The following NALF1 variants were observed in gnomAD, a reference collection of about 807,000 sequenced individuals.
NALF1 encodes NALCN channel auxiliary factor 1.
Under a neutral mutation model 48.4 loss-of-function variants are expected in NALF1, and 3 were observed. The observed-to-expected ratio is 0.06, with a 90% CI of 0.03 to 0.16. The LOEUF (loss-of-function observed/expected upper bound fraction) is 0.16. Ranked by LOEUF, NALF1 falls within the 10% of genes least tolerant of loss-of-function variation. The pLI, the probability that NALF1 is intolerant of heterozygous loss-of-function variation, is 1.00. For synonymous variants in NALF1, 262 were observed against 245.7 expected, an observed-to-expected ratio of 1.07 and a Z score of -0.62; for missense variants, 526 against 571.5, an observed-to-expected ratio of 0.92 and a Z score of 0.81.
chr13:107,271,376 G>A (rs965137156), intron 1 of NALF1, among the ~76,000 whole-genome samples: 3 of 152,134 alleles, frequency 2.0e-5, no homozygotes, highest in Admixed American at 2.0e-4. Context: ...AGATGGAGGA[G>A]TCACAAGACA....
At chr13:107,579,388 G>A (rs943185778) in intron 1 of NALF1, among the ~76,000 whole-genome samples, 2 of 152,186 alleles carry the variant, frequency 1.3e-5, no homozygotes, top group African/African-American at 4.8e-5. Flanking sequence ...ACTGCACTTG[G>A]CCATAATATT....
rs1456738729 is a variant in NALF1, at chr13:107,541,139, A to G, written c.915+324543T>C. ...TCCAAAGCTTTTAATAACCTTACAA[A>G]TGTACTGCAATTAATTATTCAACTG... On this transcript the variant is annotated intron_variant, in intron 1 of 2. Coordinates refer to ENST00000375915, the MANE Select transcript of NALF1 (RefSeq NM_001080396.3). 3.3e-5 allele frequency among the ~76,000 whole-genome samples: 5 copies of G among 152,214 alleles called. No homozygotes were observed. In the South Asian group the frequency reaches 8.3e-4, roughly 25 times the overall value.
chr13:107,500,506 G>A (rs548349433), intron 1 of NALF1, among the ~76,000 whole-genome samples: 1 of 150,968 alleles, frequency 6.6e-6, no homozygotes, highest in South Asian at 2.1e-4. Flanking sequence ...ACTGTTGGTG[G>A]GACTGTAAAC....
chr13:107,281,737 A>G (rs1881391605), intron 1 of NALF1, among the ~76,000 whole-genome samples: 1 of 152,182 alleles, frequency 6.6e-6, no homozygotes, highest in African/African-American at 2.4e-5. Context: ...ACAGTTCAGC[A>G]TGGCTGTGGA....
intron 1 of NALF1, among the ~76,000 whole-genome samples, chr13:107,683,535 TCTTC>T (rs1486419824): frequency 6.6e-6 from 1 of 152,156 alleles, no homozygotes; most frequent in Non-Finnish European, 1.5e-5. Context: ...GAGCATTAGG[TCTTC>T]CTGTTTTCCA....
intron 1 of NALF1, among the ~76,000 whole-genome samples, chr13:107,711,437 A>G (rs1242170301): frequency 2.0e-5 from 3 of 152,174 alleles, no homozygotes; most frequent in Non-Finnish European, 4.4e-5. Flanking sequence ...CCAGGTTCAA[A>G]CAATTCTCCC....
At chr13:107,250,718 G>A (rs116536942) in intron 1 of NALF1, among the ~76,000 whole-genome samples, 1,779 of 147,048 alleles carry the variant, frequency 0.012, 33 homozygotes, top group African/African-American at 0.041. Flanking sequence ...ATATGGTTTG[G>A]ATTTGTGTCT....
chr13:107,233,640 C>A (rs1013152810), intron 1 of NALF1, among the ~76,000 whole-genome samples: 2 of 152,146 alleles, frequency 1.3e-5, no homozygotes, highest in African/African-American at 4.8e-5. Flanking sequence ...AAGTGATTTG[C>A]TTACAGAGTT....
In NALF1 at chr13:107,509,553, C is replaced by A. The variant is rs370525709; in HGVS notation, c.916-298798G>T. On this transcript the variant is annotated intron_variant, in intron 1 of 2. Coordinates refer to ENST00000375915, the MANE Select transcript of NALF1 (RefSeq NM_001080396.3). ...GTCCTTGAGCTGTAGGTACTTCACA[C>A]AATGTCTCTTTTACAATGTTATTTC... Among the ~76,000 whole-genome samples the A allele has an allele frequency of 4.1e-4, 62 of 152,246 alleles. 1 individual carries two copies. Among genetic ancestry groups the A allele is most frequent in the African/African-American group, 1.5e-3 (61 of 41,574 alleles).
chr13:107,500,242 A>C (rs940398584), intron 1 of NALF1, among the ~76,000 whole-genome samples: 2 of 152,186 alleles, frequency 1.3e-5, no homozygotes, highest in African/African-American at 4.8e-5. Context: ...CTGCTACAAC[A>C]GAATACTTGC....
chr13:107,293,677 T>C (rs1881672778), intron 1 of NALF1, among the ~76,000 whole-genome samples: 1 of 152,178 alleles, frequency 6.6e-6, no homozygotes, highest in Non-Finnish European at 1.5e-5. Context: ...AAATTAGTAT[T>C]CTCTTACATC....
At chr13:107,722,577 C>T (rs1356968713) in intron 1 of NALF1, among the ~76,000 whole-genome samples, 3 of 152,136 alleles carry the variant, frequency 2.0e-5, no homozygotes, top group African/African-American at 4.8e-5. Flanking sequence ...CCCTAGCGGG[C>T]CCCTAGCAAC....
intron 1 of NALF1, among the ~76,000 whole-genome samples, chr13:107,277,638 A>G (rs1008908438): frequency 6.6e-6 from 1 of 152,236 alleles, no homozygotes; most frequent in African/African-American, 2.4e-5. Flanking sequence ...GCCAATGACT[A>G]GAAGATGAAC....
chr13:107,733,274 A>G (rs1162935029), intron 1 of NALF1, among the ~76,000 whole-genome samples: 2 of 152,216 alleles, frequency 1.3e-5, no homozygotes, highest in African/African-American at 2.4e-5. Flanking sequence ...CAGTGACAGC[A>G]GCACATTGCA....
chr13:107,710,614 T>C (rs115213220), intron 1 of NALF1, among the ~76,000 whole-genome samples: 1 of 149,350 alleles, frequency 6.7e-6, no homozygotes, highest in Non-Finnish European at 1.5e-5. Flanking sequence ...GCTACACTTT[T>C]AAACCCTCAG....
chr13:107,755,286 AT>A (rs1259809153), intron 1 of NALF1, among the ~76,000 whole-genome samples: 1 of 152,060 alleles, frequency 6.6e-6, no homozygotes, highest in Non-Finnish European at 1.5e-5. Flanking sequence ...TCTTCAAATT[AT>A]CTCCATTCAC....
chr13:107,565,371 C>G (rs1435075193), intron 1 of NALF1, among the ~76,000 whole-genome samples: 1 of 103,940 alleles, frequency 9.6e-6, no homozygotes, highest in African/African-American at 3.5e-5. Flanking sequence ...GGTGGCAGAG[C>G]GAGACCTTAT....
chr13:107,843,887 T>A (rs1352063983), intron 1 of NALF1, among the ~76,000 whole-genome samples: 1 of 152,144 alleles, frequency 6.6e-6, no homozygotes, highest in Non-Finnish European at 1.5e-5. Flanking sequence ...TGATAAAAAA[T>A]TATATTGTGT....
chr13:107,728,900 C>G (rs1489732975), intron 1 of NALF1, among the ~76,000 whole-genome samples: 1 of 152,120 alleles, frequency 6.6e-6, no homozygotes, highest in African/African-American at 2.4e-5. Flanking sequence ...ATCTGCTGAA[C>G]TAGCTACAAC....
Sources: gnomAD v4.1 joint callset for allele counts (sites outside exome capture counted in the v4.1 genomes callset) on GRCh38, gnomAD v4.1.1 for gene constraint, MANE v1.5 for transcripts, NCBI Gene and HGNC (gene_info 2026-07-23, HGNC 2026-07-21) for gene names.